The following HSF1 variants were observed in gnomAD, a reference collection of about 807,000 sequenced individuals.
The protein encoded by HSF1 is heat shock transcription factor 1, also known as heat shock factor protein 1.
In HSF1, 32 loss-of-function variants were observed where a neutral mutation model predicts 51.7. The observed-to-expected ratio is 0.62, with a 90% CI of 0.47 to 0.83. The LOEUF is 0.83. Among genes scored for constraint, HSF1 ranks in the 40% least tolerant of loss-of-function variants. The pLI is 0.00. For missense variants in HSF1, 727 were observed against 717.0 expected (o/e 1.01, Z -0.16); for synonymous variants, 396 against 309.7 (o/e 1.28, Z -2.92).
intron 10 of HSF1, 110 bp from the exon 11 acceptor site, chr8:144,313,736 G>GCGCCGCGC (rs1554845679): frequency 5.8e-5 from 2 of 34,412 alleles, no homozygotes; most frequent in East Asian, 3.9e-3. Flanking sequence ...CCGCCTCCCC[G>GCGCCGCGC]CGCCTCCCCG....
Position 144,313,631 on chromosome 8 carries a change from G to GCCTCC in HSF1, c.1248+17_1248+18insTCCCC, listed in dbSNP as rs1554845570. On this transcript the variant is annotated intron_variant, in intron 10 of 12. Coordinates refer to ENST00000528838, the MANE Select transcript of HSF1 (RefSeq NM_005526.4). ...CCCTGCTGGACGTGAGTGGAGCCCC[G>GCCTCC]CCGCCCCGCCTCCCCGCCCCGCCTC... The GCCTCC allele has an allele frequency of 1.0e-5, 6 of 602,292 alleles. No homozygotes were observed. The African/African-American group carries it at 1.8e-4, about 18-fold the overall frequency. 37.3% of individuals were successfully genotyped at this position (602,292 alleles called of 1,614,324 possible). A position where few individuals can be genotyped will look rare whatever the true frequency, so the allele number is the denominator to read the frequency against.
rs568250836 is a variant in HSF1 at position 144,309,225 on chromosome 8, A to T, written c.226+211A>T. The T allele has an allele frequency of 1.0e-4, 67 of 666,760 alleles. No individual in the cohort carries two copies. The African/African-American group carries it at 1.2e-3, about 12-fold the overall frequency. The allele number at this position is 666,760 out of a possible 1,614,324, so 41.3% of individuals were successfully genotyped here. A position where few individuals can be genotyped will look rare whatever the true frequency, so the allele number is the denominator to read the frequency against. On this transcript the variant is annotated intron_variant, in intron 2 of 12. Coordinates refer to ENST00000528838, the MANE Select transcript of HSF1 (RefSeq NM_005526.4). ...ATGAACCTGGGGTCCCCATGGAAGA[A>T]CCGTGAAGCCGGAGCTGTACTCCAC...
At chr8:144,293,991 G>C (rs1004734716) in intron 1 of HSF1, among the ~76,000 whole-genome samples, 10 of 151,940 alleles carry the variant, frequency 6.6e-5, no homozygotes, top group African/African-American at 2.4e-4. Flanking sequence ...GGTGTGATGA[G>C]GCCCGTGGCC....
chr8:144,310,120 C>T lies in HSF1; in HGVS notation c.488+224C>T, dbSNP rs1816520301. The T allele has an allele frequency of 1.1e-5, 6 of 561,892 alleles. No homozygotes were observed. The South Asian group carries it at 1.3e-4, about 13-fold the overall frequency. 34.8% of individuals were successfully genotyped at this position (561,892 alleles called of 1,614,324 possible). Reference sequence around the variant, plus strand: ...TGTGCAGAAGGGGGTTGGGAGGGTCCCCTGCTCTGCACATCCCCAGCGCCC... The same window carrying T: ...TGTGCAGAAGGGGGTTGGGAGGGTCTCCTGCTCTGCACATCCCCAGCGCCC... On this transcript the variant is annotated intron_variant, in intron 4 of 12. Coordinates refer to ENST00000528838, the MANE Select transcript of HSF1 (RefSeq NM_005526.4).
chr8:144,301,795 G>A (rs983560710), intron 1 of HSF1, among the ~76,000 whole-genome samples: 2 of 151,554 alleles, frequency 1.3e-5, no homozygotes, highest in Admixed American at 6.6e-5. Context: ...AACCCGGGAG[G>A]CAGAGCTTGC....
At chr8:144,306,550 A>G (rs2130398729) in intron 1 of HSF1, among the ~76,000 whole-genome samples, 1 of 152,146 alleles carries the variant, frequency 6.6e-6, no homozygotes, top group South Asian at 2.1e-4. Flanking sequence ...TCTTCTAGAG[A>G]CGGGGTTTTG....
At chr8:144,312,836 C>G in intron 9 of HSF1, 1 of 837,546 alleles carries the variant, frequency 1.2e-6, no homozygotes, top group Non-Finnish European at 1.9e-6. Context: ...GCAGCCGAGA[C>G]CCCTCTGTGG....
chr8:144,296,282 C>T (rs1815449613), intron 1 of HSF1, among the ~76,000 whole-genome samples: 1 of 152,228 alleles, frequency 6.6e-6, no homozygotes, highest in African/African-American at 2.4e-5. Context: ...AGACCCTGGT[C>T]ACAGATCGTG....
intron 1 of HSF1, among the ~76,000 whole-genome samples, chr8:144,305,756 G>C (rs1270765858): frequency 3.0e-5 from 3 of 100,676 alleles, no homozygotes; most frequent in African/African-American, 1.1e-4. Context: ...TTTTTGAGAC[G>C]GAGTCTCACT....
At chr8:144,295,734 A>C (rs1357047148) in intron 1 of HSF1, among the ~76,000 whole-genome samples, 1 of 125,038 alleles carries the variant, frequency 8.0e-6, no homozygotes. Context: ...TTTTCTTTTT[A>C]AGGTTTTAGT....
intron 9 of HSF1, 149 bp downstream of exon 9, chr8:144,312,393 A>G (rs1362106613): frequency 2.8e-6 from 2 of 713,394 alleles, no homozygotes; most frequent in Non-Finnish European, 4.6e-6. Flanking sequence ...GGAGGGAGAC[A>G]GGTGCCAGCC....
rs782740115 is a variant in HSF1, at chr8:144,309,590, G to A, written c.362G>A (p.Ser121Asn). The change falls in exon 3 of 13, where the codon AGT becomes AAT. Residue 121 changes from serine (S) to asparagine (N), a missense_variant and splice_region_variant. Ser to Asn is a conservative substitution (Grantham distance 46). Around this residue, in one of 2 missense-constraint regions of HSF1, gnomAD observed 257 missense variants for 318.3 expected, o/e 0.81. Transcript: ENST00000528838. ...GAGAACATCAAGAGGAAAGTGACCAGTGTGAGTGCCGGCCCTGCACCCTTG... is the reference window on the plus strand; with the variant it reads ...GAGAACATCAAGAGGAAAGTGACCAATGTGAGTGCCGGCCCTGCACCCTTG... Reference protein sequence around the residue: ...LLENIKRKVTSVSTLKSEDIK... With the variant: ...LLENIKRKVTNVSTLKSEDIK... The A allele has an allele frequency of 1.3e-5, 21 of 1,613,772 alleles. No homozygotes were observed. The South Asian group carries it at 1.9e-4, about 14-fold the overall frequency.
chr8:144,294,515 G>C (rs1815328398), intron 1 of HSF1, among the ~76,000 whole-genome samples: 1 of 152,246 alleles, frequency 6.6e-6, no homozygotes, highest in South Asian at 2.1e-4. Flanking sequence ...CAGAATCACA[G>C]GCATGGTGAC....
At chr8:144,313,417 G>A (rs2130465050) in intron 9 of HSF1, 94 bp from the exon 10 acceptor site, 3 of 815,526 alleles carry the variant, frequency 3.7e-6, no homozygotes, top group East Asian at 2.8e-5. Flanking sequence ...GTGCAGCCTG[G>A]GGGGTACAGT....
intron 1 of HSF1, among the ~76,000 whole-genome samples, chr8:144,293,162 G>A (rs1815215554): frequency 6.6e-6 from 1 of 152,198 alleles, no homozygotes; most frequent in African/African-American, 2.4e-5. Context: ...CCAGGCAGGA[G>A]GCCAGGTTTT....
intron 1 of HSF1, among the ~76,000 whole-genome samples, chr8:144,303,031 T>C (rs1554842672): frequency 6.6e-6 from 1 of 151,996 alleles, no homozygotes; most frequent in Non-Finnish European, 1.5e-5. Flanking sequence ...AGAACACAAA[T>C]GCTGCATCCG....
chr8:144,305,943 G>A (rs1554843244), intron 1 of HSF1, among the ~76,000 whole-genome samples: 1 of 151,120 alleles, frequency 6.6e-6, no homozygotes, highest in East Asian at 2.0e-4. Context: ...TGTTGGTCAG[G>A]TTGGTCTCCA....
At chr8:144,292,786 C>A (rs958832414) in intron 1 of HSF1, 1 of 152,182 alleles carries the variant, frequency 6.6e-6, no homozygotes, top group African/African-American at 2.4e-5. Context: ...TATGGCAAAA[C>A]CCCAGCTCTA....
intron 1 of HSF1, among the ~76,000 whole-genome samples, chr8:144,300,833 T>C (rs972721937): frequency 6.6e-6 from 1 of 151,640 alleles, no homozygotes; most frequent in Non-Finnish European, 1.5e-5. Flanking sequence ...ATGTGTCTAA[T>C]GTTCTTGAGA....
Sources: gnomAD v4.1 joint callset for allele counts (sites outside exome capture counted in the v4.1 genomes callset) on GRCh38, gnomAD v4.1.1 for gene constraint, gnomAD v4.1.1 regional missense constraint, MANE v1.5 for transcripts, NCBI Gene and HGNC (gene_info 2026-07-23, HGNC 2026-07-21) for gene names.